The following DYRK1A variants were observed in gnomAD, a reference collection of about 807,000 sequenced individuals.
DYRK1A encodes dual specificity tyrosine phosphorylation regulated kinase 1A, also known as dual specificity tyrosine-phosphorylation-regulated kinase 1A.
A neutral mutation model predicts 79.7 loss-of-function variants in DYRK1A; 9 were observed. The ratio of observed to expected loss-of-function variants is 0.11; its 90% CI spans 0.07 to 0.20. The LOEUF (loss-of-function observed/expected upper bound fraction) is 0.20, where lower values mean the gene tolerates loss of function less well. Ranked by LOEUF, DYRK1A falls within the 10% of genes least tolerant of loss-of-function variation. DYRK1A has a pLI of 1.00. For missense variants in DYRK1A, 622 were observed against 956.0 expected, an observed-to-expected ratio of 0.65 and a Z score of 4.61; for synonymous variants, 349 against 329.7, an observed-to-expected ratio of 1.06 and a Z score of -0.63.
intron 1 of DYRK1A, among the ~76,000 whole-genome samples, chr21:37,377,623 C>T (rs1202529049): frequency 6.6e-6 from 1 of 152,126 alleles, no homozygotes; most frequent in African/African-American, 2.4e-5. Context: ...TGTACACCAC[C>T]ACACCCAGCT....
chr21:37,393,945 C>T (rs536559915), intron 1 of DYRK1A, among the ~76,000 whole-genome samples: 13 of 152,316 alleles, frequency 8.5e-5, no homozygotes, highest in Admixed American at 6.5e-4. Flanking sequence ...AAGACTTACA[C>T]CTTGAACTGG....
intron 11 of DYRK1A, among the ~76,000 whole-genome samples, chr21:37,508,795 C>T (rs1238727057): frequency 2.0e-5 from 3 of 152,152 alleles, no homozygotes; most frequent in Admixed American, 2.0e-4. Flanking sequence ...CCTGTGCTCT[C>T]AGCCTGGAAC....
At chr21:37,493,449 T>A (rs2053162845) in intron 8 of DYRK1A, among the ~76,000 whole-genome samples, 1 of 152,200 alleles carries the variant, frequency 6.6e-6, no homozygotes, top group South Asian at 2.1e-4. Context: ...ACAGAAAGCT[T>A]AAAGATGATA....
intron 2 of DYRK1A, chr21:37,430,256 AT>A (rs2050740920): frequency 1.1e-6 from 1 of 949,400 alleles, no homozygotes; most frequent in South Asian, 4.9e-5. Context: ...TGAATCCTTT[AT>A]TTTTGTCTTA....
chr21:37,493,535 A>G (rs1429535096), intron 8 of DYRK1A, among the ~76,000 whole-genome samples: 1 of 152,232 alleles, frequency 6.6e-6, no homozygotes, highest in Non-Finnish European at 1.5e-5. Context: ...GTTGAAGAGT[A>G]ATGATCAGTA....
intron 1 of DYRK1A, among the ~76,000 whole-genome samples, chr21:37,416,317 CTTTTTTT>C (rs775621138): frequency 1.0e-5 from 1 of 98,148 alleles, no homozygotes; most frequent in Non-Finnish European, 2.0e-5. Context: ...GTGTTTTGGC[CTTTTTTT>C]TTTTTTTTTT....
At chr21:37,388,141 G>T (rs1176339409) in intron 1 of DYRK1A, among the ~76,000 whole-genome samples, 1 of 141,392 alleles carries the variant, frequency 7.1e-6, no homozygotes, top group Non-Finnish European at 1.5e-5. Flanking sequence ...CCAGGCTGGA[G>T]TGCAGTGGTC....
chr21:37,476,921 T>C (rs1461194341), intron 3 of DYRK1A, among the ~76,000 whole-genome samples: 1 of 150,318 alleles, frequency 6.7e-6, no homozygotes, highest in Non-Finnish European at 1.5e-5. Context: ...GTAACAACTT[T>C]TTAGAGTTTG....
At chr21:37,426,988 G>A (rs982930839) in intron 2 of DYRK1A, among the ~76,000 whole-genome samples, 32 of 151,764 alleles carry the variant, frequency 2.1e-4, no homozygotes, top group Non-Finnish European at 5.9e-5. Flanking sequence ...CAGAGAAAGC[G>A]ACAGTTACTA....
At chr21:37,456,137 T>C (rs2835754) in intron 2 of DYRK1A, 1 of 151,960 alleles carries the variant, frequency 6.6e-6, no homozygotes, top group African/African-American at 2.4e-5. Context: ...CAGCCAAATA[T>C]GAGGTGACGT....
intron 8 of DYRK1A, among the ~76,000 whole-genome samples, chr21:37,494,132 T>C (rs960982197): frequency 6.6e-6 from 1 of 151,968 alleles, no homozygotes; most frequent in Non-Finnish European, 1.5e-5. Flanking sequence ...CCTCAAGTGG[T>C]CTGCCCGTCT....
intron 2 of DYRK1A, among the ~76,000 whole-genome samples, chr21:37,430,994 T>C (rs1313552679): frequency 6.6e-6 from 1 of 152,212 alleles, no homozygotes; most frequent in Non-Finnish European, 1.5e-5. Context: ...CTAGATCTTT[T>C]TGACATTCCT....
intron 2 of DYRK1A, among the ~76,000 whole-genome samples, chr21:37,435,077 A>G (rs532235319): frequency 9.8e-5 from 15 of 152,374 alleles, no homozygotes; most frequent in Non-Finnish European, 1.5e-4. Context: ...GTAAAGTAGA[A>G]TATGTTTCTA....
intron 7 of DYRK1A, among the ~76,000 whole-genome samples, chr21:37,491,607 A>G (rs1443838961): frequency 6.6e-6 from 1 of 152,216 alleles, no homozygotes; most frequent in Admixed American, 6.5e-5. Flanking sequence ...TAGTGAGGCT[A>G]TCAAATGTTA....
chr21:37,459,565 G>A (rs988850397), intron 2 of DYRK1A, among the ~76,000 whole-genome samples: 1 of 151,822 alleles, frequency 6.6e-6, no homozygotes, highest in African/African-American at 2.4e-5. Flanking sequence ...TTATTTAGGG[G>A]GCATGTTTTC....
rs2052550822 is a variant in DYRK1A, at chr21:37,479,619, G to GTTTTTGTT, written c.301-1014_301-1013insGTTTTTTT. On this transcript the variant is annotated intron_variant, in intron 4 of 11. Coordinates refer to ENST00000647188, the MANE Select transcript of DYRK1A (RefSeq NM_001347721.2). Reference sequence around the variant, plus strand: ...GTTTTTGTTTTTGTTTTTGTTTTTTGTTTTTTTTTTTTTTTTTGGAGACAG... The same window carrying GTTTTTGTT: ...GTTTTTGTTTTTGTTTTTGTTTTTTGTTTTTGTTTTTTTTTTTTTTTTTTTGGAGACAG... Among the ~76,000 whole-genome samples the GTTTTTGTT allele has an allele frequency of 6.0e-4, 44 of 73,908 alleles. 1 individual carries two copies. The highest frequency in any genetic ancestry group is 2.1e-3 in the African/African-American group (41 of 19,128). The allele number at this position is 73,908 out of a possible 152,430, so 48.5% of individuals were successfully genotyped here.
intron 2 of DYRK1A, among the ~76,000 whole-genome samples, chr21:37,429,190 C>T (rs1020238709): frequency 2.6e-5 from 4 of 152,202 alleles, no homozygotes; most frequent in South Asian, 2.1e-4. Context: ...ATGTTGTTAA[C>T]GCAAATCCAG....
intron 7 of DYRK1A, among the ~76,000 whole-genome samples, chr21:37,491,857 G>T (rs990743235): frequency 6.6e-6 from 1 of 152,192 alleles, no homozygotes; most frequent in Non-Finnish European, 1.5e-5. Flanking sequence ...AAATGAGCCA[G>T]TTATCCCTAC....
intron 2 of DYRK1A, among the ~76,000 whole-genome samples, chr21:37,430,021 G>A (rs2050734201): frequency 6.6e-6 from 1 of 152,018 alleles, no homozygotes; most frequent in African/African-American, 2.4e-5. Context: ...AGTTTCTCCC[G>A]ATCCTCTTTT....
Sources: gnomAD v4.1 joint callset for allele counts (sites outside exome capture counted in the v4.1 genomes callset) on GRCh38, gnomAD v4.1.1 for gene constraint, MANE v1.5 for transcripts, NCBI Gene and HGNC (gene_info 2026-07-23, HGNC 2026-07-21) for gene names.